The following ODC1 variants were observed in gnomAD, a reference collection of about 807,000 sequenced individuals.
ODC1 encodes ornithine decarboxylase 1, also known as ornithine decarboxylase.
ODC1 carries 18 observed loss-of-function variants against 41.5 expected under a neutral mutation model. The ratio of observed to expected loss-of-function variants is 0.43; its 90% confidence interval spans 0.30 to 0.64. The LOEUF (loss-of-function observed/expected upper bound fraction) is 0.64. Among genes scored for constraint, ODC1 ranks in the 30% least tolerant of loss-of-function variants. The pLI, the probability that ODC1 is intolerant of heterozygous loss-of-function variation, is 0.11. For missense variants in ODC1, 504 were observed against 589.0 expected, an observed-to-expected ratio of 0.86 and a Z score of 1.49; for synonymous variants, 218 against 211.6, an observed-to-expected ratio of 1.03 and a Z score of -0.26.
chr2:10,442,543 C>T (rs1671865683), intron 8 of ODC1, among the ~76,000 whole-genome samples: 1 of 152,100 alleles, frequency 6.6e-6, no homozygotes, highest in East Asian at 1.9e-4. Context: ...TTTTAACAAA[C>T]CATGTGGATA....
rs756212631 is a variant in ODC1, at chr2:10,445,013, T to A, written c.20A>T (p.Glu7Val). Residue 7 changes from glutamate to valine, a missense_variant, in exon 3 of 12, where the codon GAA (glutamate) becomes GTA (valine). Glu to Val is a moderately radical substitution (Grantham distance 121). Coordinates refer to ENST00000234111, the MANE Select transcript of ODC1 (RefSeq NM_002539.3). ...ATCGAGGAAGTGGCAGTCAAACTCT[T>A]CATTACCAAAGTTGTTCATGATTTC... Reference protein sequence around the residue: MNNFGNEEFDCHFLDEG... With the variant: MNNFGNVEFDCHFLDEG... 5.6e-6 allele frequency: 9 copies of A among 1,612,606 alleles called. No individual in the cohort carries two copies. The highest frequency in any genetic ancestry group is 1.7e-6 in the Non-Finnish European group (2 of 1,178,606).
At chr2:10,444,889 G>T in intron 3 of ODC1, 42 bp downstream of exon 3, 1 of 1,407,228 alleles carries the variant, frequency 7.1e-7, no homozygotes, top group South Asian at 1.2e-5. Context: ...CACTTGCCTG[G>T]CACTCTCAGC....
chr2:10,445,153 AC>A lies in ODC1; in HGVS notation c.-18+1del. 1 of 629,938 alleles carries A rather than the reference AC, an allele frequency of 1.6e-6. No homozygotes were observed. Among genetic ancestry groups the A allele is most frequent in the Non-Finnish European group, 2.8e-6 (1 of 354,354 alleles). The allele number at this position is 629,938 out of a possible 1,614,324, so 39.0% of individuals were successfully genotyped here. On this transcript the variant is annotated splice_donor_variant, in intron 2 of 11. Coordinates refer to ENST00000234111, the MANE Select transcript of ODC1 (RefSeq NM_002539.3). LOFTEE classifies it low-confidence loss of function (5UTR_SPLICE). ...CAACATAAATGTAAACTGAATACTT[AC>A]ATGGAAAACTAAGAGATGGAATTGA...
chr2:10,447,158 TTTAAGGCGTTAC>T (rs1672048417), intron 1 of ODC1, among the ~76,000 whole-genome samples: 2 of 152,248 alleles, frequency 1.3e-5, no homozygotes, highest in African/African-American at 4.8e-5. Context: ...TTCTGTATCT[TTTAAGGCGTTAC>T]TTAAGTAACT....
Position 10,448,299 on chromosome 2 carries a change from C to A in ODC1, c.-306G>T. The stretch of plus-strand genomic sequence containing the variant: ...CTGCTGGCAGAGGGGCGGCGGGCGG[C>A]GGCGGCGGCGGCTACAGGAGGGACT... On this transcript the variant is annotated 5_prime_UTR_variant, in exon 1 of 12. Coordinates refer to ENST00000234111, the MANE Select transcript of ODC1 (RefSeq NM_002539.3). The A allele has an allele frequency of 4.0e-6, 1 of 249,420 alleles. No homozygotes were observed. The highest frequency in any genetic ancestry group is 5.6e-5 in the Admixed American group (1 of 17,914). The allele number at this position is 249,420 out of a possible 1,614,324, so 15.5% of individuals were successfully genotyped here.
intron 7 of ODC1, 53 bp downstream of exon 7, chr2:10,443,434 GACT>G: frequency 6.4e-7 from 1 of 1,572,954 alleles, no homozygotes; most frequent in Middle Eastern, 1.7e-4. Context: ...CTAGAATTAA[GACT>G]AGTTATTGTC....
In ODC1 at chr2:10,445,005, C is replaced by A; in HGVS notation, c.28G>T (p.Asp10Tyr). 3 of 1,613,370 alleles carry A rather than the reference C, an allele frequency of 1.9e-6. No homozygotes were observed. The South Asian group carries it at 3.3e-5, about 18-fold the overall frequency. Residue 10 changes from aspartate (D) to tyrosine (Y), a missense_variant, in exon 3 of 12, where the codon GAC (aspartate) becomes TAC (tyrosine). Around this residue, in one of 3 missense-constraint regions of ODC1, gnomAD observed 53 missense variants for 46.3 expected, o/e 1.14. Coordinates refer to ENST00000234111, the MANE Select transcript of ODC1 (RefSeq NM_002539.3). MNNFGNEEF[D>Y]CHFLDEGFTA... ...AAACCTTCATCGAGGAAGTGGCAGT[C>A]AAACTCTTCATTACCAAAGTTGTTC...
chr2:10,446,915 A>G (rs1042287349), intron 1 of ODC1: 2 of 165,936 alleles, frequency 1.2e-5, no homozygotes, highest in South Asian at 2.4e-4. Flanking sequence ...GAAGTTGCCT[A>G]AATCACCCCT....
At chr2:10,442,883 A>C (rs1671877008) in intron 8 of ODC1, among the ~76,000 whole-genome samples, 1 of 145,394 alleles carries the variant, frequency 6.9e-6, no homozygotes, top group Admixed American at 7.0e-5. Flanking sequence ...GCTAATTTTA[A>C]AATTTTTTTT....
At chr2:10,445,559 T>C (rs1377329233) in intron 1 of ODC1, among the ~76,000 whole-genome samples, 1 of 152,202 alleles carries the variant, frequency 6.6e-6, no homozygotes, top group Non-Finnish European at 1.5e-5. Flanking sequence ...AGCTCACTGA[T>C]ATGGAAAAAA....
At chr2:10,441,760 T>C in intron 10 of ODC1, 37 bp from the exon 11 acceptor site, 5 of 1,612,198 alleles carry the variant, frequency 3.1e-6, no homozygotes, top group Non-Finnish European at 4.2e-6. Flanking sequence ...TACTACTTAA[T>C]TACACGTGTT....
rs1671825262 is a variant in ODC1, at chr2:10,441,695, GAAT to G, written c.1052_1054del (p.Tyr351del). 1 of 1,614,052 alleles carries G rather than the reference GAAT, an allele frequency of 6.2e-7. No individual in the cohort carries two copies. Among genetic ancestry groups the G allele is most frequent in the Non-Finnish European group, 8.5e-7 (1 of 1,180,040 alleles). ...ACATGTTGGTCCCCATATGCTGGAT[GAAT>G]AATACTTCTCATCTGGTTTAGGTCT... is the stretch of plus-strand genomic sequence containing the variant. On this transcript the variant is annotated inframe_deletion, in exon 11 of 12. Transcript: ENST00000234111.
Position 10,448,293 on chromosome 2 carries a change from GGGC to G in ODC1, c.-303_-301del, listed in dbSNP as rs28362372. 1.0e-3 allele frequency: 257 copies of G among 246,982 alleles called. No individual in the cohort carries two copies. The highest frequency in any genetic ancestry group is 2.0e-3 in the East Asian group (28 of 13,972). The allele number at this position is 246,982 out of a possible 1,614,324, so 15.3% of individuals were successfully genotyped here. On this transcript the variant is annotated 5_prime_UTR_variant, in exon 1 of 12. Transcript: ENST00000234111. ...CCGGAGCTGCTGGCAGAGGGGCGGC[GGGC>G]GGCGGCGGCGGCGGCTACAGGAGGG...
rs767798988 is a variant in ODC1 at position 10,441,557 on chromosome 2, T to C, written c.1193A>G (p.Asn398Ser). The C allele has an allele frequency of 1.7e-5, 28 of 1,614,074 alleles. No homozygotes were observed. The highest frequency in any genetic ancestry group is 1.6e-4 in the Middle Eastern group (1 of 6,084). ...AYTVAAASTF[N>S]GFQRPTIYYV... The stretch of plus-strand genomic sequence containing the variant: ...GTAGATCGTCGGCCTCTGGAAGCCA[T>C]TGAACGTAGAGGCAGCAGCAACAGT... Residue 398 changes from asparagine to serine, a missense_variant, in exon 11 of 12, where the codon AAT becomes AGT. Coordinates refer to ENST00000234111, the MANE Select transcript of ODC1 (RefSeq NM_002539.3).
At chr2:10,446,312 A>G (rs13401475) in intron 1 of ODC1, among the ~76,000 whole-genome samples, 5,569 of 152,072 alleles carry the variant, frequency 0.037, 374 homozygotes, top group African/African-American at 0.13. Context: ...GGCTAATTTT[A>G]TATTTTTAGT....
rs1004509379 is a variant in ODC1 at position 10,445,097 on chromosome 2, C to A, written c.-17-48G>T. On this transcript the variant is annotated intron_variant, in intron 2 of 11. Coordinates refer to ENST00000234111, the MANE Select transcript of ODC1 (RefSeq NM_002539.3). ...TAGAGTGGAGAAATTCACTTAGAAG[C>A]CTTAGCAATACAATTCTTAAGATTA... 3.3e-5 allele frequency: 32 copies of A among 962,810 alleles called. No homozygotes were observed. The African/African-American group carries it at 4.6e-4, about 14-fold the overall frequency. 59.6% of individuals were successfully genotyped at this position (962,810 alleles called of 1,614,324 possible).
In ODC1 at chr2:10,443,397, A is replaced by G; in HGVS notation, c.667-84T>C. The G allele has an allele frequency of 2.6e-6, 4 of 1,553,106 alleles. No homozygotes were observed. In the South Asian group the frequency reaches 4.5e-5, roughly 17 times the overall value. On this transcript the variant is annotated intron_variant, in intron 7 of 11. Transcript: ENST00000234111. Reference sequence around the variant, plus strand: ...AGATAGGCTGAAACCCATGTAATACAGAACCAACTGCCATAAAAAGTTAAC... The same window carrying G: ...AGATAGGCTGAAACCCATGTAATACGGAACCAACTGCCATAAAAAGTTAAC...
At position 10,440,617 on chromosome 2, in the gene ODC1, C is replaced by T. The variant is rs1015107716; in HGVS notation, c.*107G>A. The T allele has an allele frequency of 1.9e-5, 23 of 1,183,004 alleles. No individual in the cohort carries two copies. The East Asian group carries it at 5.5e-4, about 29-fold the overall frequency. The allele number at this position is 1,183,004 out of a possible 1,614,324, so 73.3% of individuals were successfully genotyped here. On this transcript the variant is annotated 3_prime_UTR_variant, in exon 12 of 12. Transcript: ENST00000234111. ...TTCCATATGGCTGCATCATGGCGAC[C>T]CTACTCTTACAAAGACATTTCAAAA... is the stretch of plus-strand genomic sequence containing the variant.
At chr2:10,440,958 G>GT in intron 11 of ODC1, 90 bp from the exon 12 acceptor site, 1 of 1,434,236 alleles carries the variant, frequency 7.0e-7, no homozygotes, top group Admixed American at 2.2e-5. Context: ...ACAATTCAAT[G>GT]TATTTTTTTT....
Sources: gnomAD v4.1 joint callset for allele counts (sites outside exome capture counted in the v4.1 genomes callset) on GRCh38, gnomAD v4.1.1 for gene constraint, gnomAD v4.1.1 regional missense constraint, MANE v1.5 for transcripts, NCBI Gene and HGNC (gene_info 2026-07-23, HGNC 2026-07-21) for gene names.